The following DENND3 variants were observed in gnomAD, a reference collection of about 807,000 sequenced individuals.
DENND3 encodes DENN domain containing 3.
DENND3 carries 88 observed loss-of-function variants against 135.1 expected under a neutral mutation model. That is an observed-to-expected ratio of 0.65 (90% CI 0.55 to 0.78). The LOEUF (loss-of-function observed/expected upper bound fraction) is 0.78. DENND3 is among the 30% of genes least tolerant of loss of function. DENND3 has a pLI of 0.00. For synonymous variants in DENND3, 693 were observed against 712.3 expected (o/e 0.97, Z 0.43); for missense variants, 1,392 against 1,688.4 (o/e 0.82, Z 3.08).
At chr8:141,190,892 G>A (rs750760851) in intron 20 of DENND3, among the ~76,000 whole-genome samples, 16 of 151,904 alleles carry the variant, frequency 1.1e-4, no homozygotes, top group Non-Finnish European at 1.6e-4. Context: ...GATTTTGCCA[G>A]GGGGGCGATG....
intron 13 of DENND3, among the ~76,000 whole-genome samples, chr8:141,172,159 CTG>C (rs563225131): frequency 1.1e-3 from 157 of 145,676 alleles, no homozygotes; most frequent in Non-Finnish European, 1.7e-3. Context: ...TGCATAGTGA[CTG>C]TGGGCGTGCA....
chr8:141,192,226 C>T, intron 20 of DENND3, 105 bp from the exon 21 acceptor site: 1 of 1,468,584 alleles, frequency 6.8e-7, no homozygotes. Flanking sequence ...CGTGGTGATC[C>T]CCCCCATCAC....
At chr8:141,193,924 G>A in intron 22 of DENND3, 109 bp from the exon 23 acceptor site, 1 of 1,241,382 alleles carries the variant, frequency 8.1e-7, no homozygotes, top group South Asian at 1.4e-5. Context: ...TGTCCAGGAA[G>A]GACATAGATT....
chr8:141,187,436 G>A (rs1460497373), intron 18 of DENND3, among the ~76,000 whole-genome samples: 2 of 152,018 alleles, frequency 1.3e-5, no homozygotes, highest in African/African-American at 2.4e-5. Context: ...TGCTGCTCAG[G>A]CTGGTCTCAA....
intron 19 of DENND3, among the ~76,000 whole-genome samples, chr8:141,189,471 G>A (rs1824398242): frequency 6.6e-6 from 1 of 152,234 alleles, no homozygotes; most frequent in Non-Finnish European, 1.5e-5. Flanking sequence ...GGTGTCAGAA[G>A]CCTGGACTCG....
chr8:141,185,200 C>G lies in DENND3; in HGVS notation c.3006C>G (p.Ser1002Arg), dbSNP rs779819080. ...DAHPKLWCALSEGKVTVFNAS... is the reference protein window; with the variant it reads ...DAHPKLWCALREGKVTVFNAS... ...ACCCCAAGTTATGGTGTGCTCTGAG[C>G]GAAGGCAAGGTGACCGTGTTCAATG... Residue 1002 changes from serine (S) to arginine (R), a missense_variant, in exon 18 of 23, where the codon AGC becomes AGG. Physicochemically the swap from Ser to Arg is moderately radical, Grantham distance 110. Transcript: ENST00000519811. 2 of 1,614,160 alleles carry G rather than the reference C, an allele frequency of 1.2e-6. No individual in the cohort carries two copies. The highest frequency in any genetic ancestry group is 1.7e-6 in the Non-Finnish European group (2 of 1,180,016).
chr8:141,180,765 A>T lies in DENND3; in HGVS notation c.2855A>T (p.Glu952Val), dbSNP rs763068115. The T allele has an allele frequency of 1.2e-6, 2 of 1,613,154 alleles. No individual in the cohort carries two copies. Among genetic ancestry groups the T allele is most frequent in the Non-Finnish European group, 1.7e-6 (2 of 1,179,660 alleles). Residue 952 changes from glutamate (E) to valine (V), a missense_variant, in exon 17 of 23, where the codon GAG (glutamate) becomes GTG (valine). Transcript: ENST00000519811. ...CTTTCAGTGCCCATGACGCTTCCGG[A>T]GACAACCCTGGAAACACTGAAGCAT... ...MSNEMPMTLP[E>V]TTLETLKHKI...
intron 1 of DENND3, among the ~76,000 whole-genome samples, chr8:141,131,462 C>T (rs1457730950): frequency 6.6e-6 from 1 of 152,208 alleles, no homozygotes. Context: ...GGCCAGCTGG[C>T]CTTCCTGGGT....
intron 5 of DENND3, among the ~76,000 whole-genome samples, chr8:141,148,684 G>A (rs1311313385): frequency 6.6e-6 from 1 of 151,962 alleles, no homozygotes; most frequent in African/African-American, 2.4e-5. Flanking sequence ...TTATATGCTG[G>A]AAAATCTCTA....
At position 141,146,184 on chromosome 8, in the gene DENND3, C is replaced by G. The variant is rs558641770; in HGVS notation, c.735+1925C>G. The stretch of plus-strand genomic sequence containing the variant: ...TCATTTGTTAGTGTTTTCTCTTGTA[C>G]AGTGTGATTAATGAGAAGTAACTGG... On this transcript the variant is annotated intron_variant, in intron 5 of 22. Transcript: ENST00000519811. This position sits in a 1 kb window ranked among gnomAD's most constrained non-coding sequence, Gnocchi z 4.3. 6.6e-6 allele frequency among the ~76,000 whole-genome samples: 1 copy of G among 152,198 alleles called. No individual in the cohort carries two copies. Among genetic ancestry groups the G allele is most frequent in the East Asian group, 1.9e-4 (1 of 5,180 alleles).
Position 141,136,686 on chromosome 8 carries a change from G to T in DENND3, c.280G>T (p.Glu94Ter). Residue 94 changes from glutamate to a stop codon, truncating the protein, a stop_gained, in exon 2 of 23, where the codon GAG (glutamate) becomes TAG (stop). Transcript: ENST00000519811. LOFTEE classifies it high-confidence loss of function. ...LRKKREKPRPEQWKGLPGPPR... is the reference protein window; with the variant it reads ...LRKKREKPRP Reference sequence around the variant, plus strand: ...AAAGAAGAGAGAGAAGCCCAGACCAGAGCAGTGGAAGGGCCTCCCGGGGCC... The same window carrying T: ...AAAGAAGAGAGAGAAGCCCAGACCATAGCAGTGGAAGGGCCTCCCGGGGCC... 6.2e-7 allele frequency: 1 copy of T among 1,613,322 alleles called. No individual in the cohort carries two copies. Among genetic ancestry groups the T allele is most frequent in the South Asian group, 1.1e-5 (1 of 90,826 alleles).
chr8:141,159,282 C>G (rs1475433028), intron 8 of DENND3, among the ~76,000 whole-genome samples: 6 of 152,226 alleles, frequency 3.9e-5, no homozygotes, highest in Non-Finnish European at 8.8e-5. Flanking sequence ...CAGGCAGCGG[C>G]AGGGGCCTGT....
chr8:141,185,091 C>T (rs1475211092), intron 17 of DENND3, 48 bp from the exon 18 acceptor site: 1 of 1,580,400 alleles, frequency 6.3e-7, no homozygotes, highest in East Asian at 2.2e-5. Flanking sequence ...CCTGCTGCTA[C>T]AGCAGAAGTG....
intron 8 of DENND3, chr8:141,158,384 A>G: frequency 8.7e-7 from 1 of 1,144,688 alleles, no homozygotes; most frequent in Non-Finnish European, 1.1e-6. Flanking sequence ...ATTCCCAGGA[A>G]GGTAGGATTC....
chr8:141,162,279 C>A (rs1180576054), intron 9 of DENND3, among the ~76,000 whole-genome samples: 1 of 151,876 alleles, frequency 6.6e-6, no homozygotes, highest in Non-Finnish European at 1.5e-5. Flanking sequence ...ATCTTATGAA[C>A]AATTTTTTTT....
intron 7 of DENND3, among the ~76,000 whole-genome samples, chr8:141,152,947 G>A (rs1041962983): frequency 1.3e-5 from 2 of 152,076 alleles, no homozygotes; most frequent in African/African-American, 4.8e-5. Context: ...CCCTGCCCCC[G>A]ACCCGGTGAG....
intron 20 of DENND3, among the ~76,000 whole-genome samples, chr8:141,190,866 G>C (rs193271206): frequency 6.6e-6 from 1 of 152,208 alleles, no homozygotes; most frequent in Non-Finnish European, 1.5e-5. Flanking sequence ...GGGACTCTCC[G>C]TGGACCCAGA....
intron 22 of DENND3, 73 bp downstream of exon 22, chr8:141,192,736 C>T (rs539493359): frequency 3.9e-5 from 62 of 1,608,578 alleles, no homozygotes; most frequent in East Asian, 3.8e-4. Flanking sequence ...CCCATGCTCC[C>T]GAGAGCCAGC....
intron 6 of DENND3, 60 bp downstream of exon 6, chr8:141,151,013 G>T: frequency 6.8e-7 from 1 of 1,464,372 alleles, no homozygotes. Context: ...GGGCATCAGA[G>T]CAACGATCAG....
Sources: allele counts gnomAD v4.1 joint callset (sites outside exome capture counted in the v4.1 genomes callset), GRCh38; gene constraint gnomAD v4.1.1; non-coding constraint Gnocchi (gnomAD v3.1); transcripts MANE v1.5; gene names NCBI Gene and HGNC (gene_info 2026-07-23, HGNC 2026-07-21).